EPB41L3: variants seen among roughly 807,000 people sequenced by gnomAD.
The protein encoded by EPB41L3 is erythrocyte membrane protein band 4.1 like 3.
EPB41L3 carries 57 observed loss-of-function variants against 127.1 expected under a neutral mutation model. That is an observed-to-expected ratio of 0.45 (90% CI 0.36 to 0.56). The LOEUF (loss-of-function observed/expected upper bound fraction) is 0.56. EPB41L3 is among the 20% of genes least tolerant of loss of function. The pLI is 0.00. For missense variants in EPB41L3, 1,273 were observed against 1,372.2 expected (o/e 0.93, Z 1.14); for synonymous variants, 572 against 549.5 (o/e 1.04, Z -0.57).
At position 5,444,662 on chromosome 18, in the gene EPB41L3, C is replaced by A. The variant is rs560985528; in HGVS notation, c.486+478G>T. Among the ~76,000 whole-genome samples, 15 of 152,234 alleles carry A rather than the reference C, an allele frequency of 9.9e-5. No individual in the cohort carries two copies. In the East Asian group the frequency reaches 2.3e-3, roughly 24 times the overall value. Reference sequence around the variant, plus strand: ...TCCCCCTCATATTCTGATTCAGAAACATTATGAAAGCATAAAAAGATAAAT... The same window carrying A: ...TCCCCCTCATATTCTGATTCAGAAAAATTATGAAAGCATAAAAAGATAAAT... On this transcript the variant is annotated intron_variant, in intron 4 of 22. Coordinates refer to ENST00000341928, the MANE Select transcript of EPB41L3 (RefSeq NM_012307.5).
intron 1 of EPB41L3, among the ~76,000 whole-genome samples, chr18:5,507,769 T>C (rs1240815429): frequency 6.6e-6 from 1 of 152,168 alleles, no homozygotes; most frequent in African/African-American, 2.4e-5. Flanking sequence ...TAAAATCAAA[T>C]GATGATTTGG....
At chr18:5,516,442 C>T (rs2092753395) in intron 1 of EPB41L3, among the ~76,000 whole-genome samples, 2 of 152,182 alleles carry the variant, frequency 1.3e-5, no homozygotes, top group African/African-American at 4.8e-5. Context: ...CAGTTGTTCT[C>T]CAAGTGAATT....
At chr18:5,541,607 C>T (rs1013632582) in intron 1 of EPB41L3, among the ~76,000 whole-genome samples, 1 of 152,140 alleles carries the variant, frequency 6.6e-6, no homozygotes, top group Non-Finnish European at 1.5e-5. Flanking sequence ...TTTTAAAAAA[C>T]AATTATAAAT....
Position 5,474,533 on chromosome 18 carries a change from G to A in EPB41L3, c.381+3708C>T, listed in dbSNP as rs867703651. ...GGTGACTATAAATTCTCATGCTACC[G>A]TCATGGCACAGTTGAGCCTTAATGA... is the stretch of plus-strand genomic sequence containing the variant. On this transcript the variant is annotated intron_variant, in intron 3 of 22. Transcript: ENST00000341928. 5.3e-5 allele frequency among the ~76,000 whole-genome samples: 8 copies of A among 152,142 alleles called. No individual in the cohort carries two copies. In the Middle Eastern group the frequency reaches 0.01, roughly 194 times the overall value.
intron 1 of EPB41L3, among the ~76,000 whole-genome samples, chr18:5,507,675 T>C (rs1598434601): frequency 6.6e-6 from 1 of 152,192 alleles, no homozygotes; most frequent in East Asian, 1.9e-4. Flanking sequence ...GCCATCTTTT[T>C]TAAACCAGTA....
At chr18:5,590,167 T>A (rs2094473483) in intron 3 of EPB41L3, among the ~76,000 whole-genome samples, 1 of 152,094 alleles carries the variant, frequency 6.6e-6, no homozygotes, top group Admixed American at 6.5e-5. Context: ...TCTTTCCCCA[T>A]CCCCTTCGCT....
intron 2 of EPB41L3, among the ~76,000 whole-genome samples, chr18:5,487,789 T>G (rs1458366409): frequency 1.4e-5 from 2 of 144,146 alleles, no homozygotes; most frequent in Non-Finnish European, 3.0e-5. Context: ...AGTATAAAAT[T>G]GAAAAAAAAA....
At chr18:5,425,031 T>C (rs942594984) in intron 9 of EPB41L3, among the ~76,000 whole-genome samples, 3 of 152,188 alleles carry the variant, frequency 2.0e-5, no homozygotes, top group Non-Finnish European at 2.9e-5. Context: ...GAAATACTCA[T>C]CTCATTTCCT....
rs2077876385 is a variant in EPB41L3 at position 5,424,375 on chromosome 18, T to C, written c.1066-16A>G. 2 of 1,550,194 alleles carry C rather than the reference T, an allele frequency of 1.3e-6. No homozygotes were observed. The highest frequency in any genetic ancestry group is 8.8e-7 in the Non-Finnish European group (1 of 1,141,844). On this transcript the variant is annotated splice_polypyrimidine_tract_variant and intron_variant, in intron 9 of 22. Transcript: ENST00000341928. ...ATTGTTCAAACTAAATAAAAAAAAATACATTGAAGAGTAAAGTTTAAAATT... is the reference window on the plus strand; with the variant it reads ...ATTGTTCAAACTAAATAAAAAAAAACACATTGAAGAGTAAAGTTTAAAATT...
At chr18:5,402,573 C>A (rs541966999) in intron 16 of EPB41L3, among the ~76,000 whole-genome samples, 7 of 152,162 alleles carry the variant, frequency 4.6e-5, no homozygotes, top group Admixed American at 4.6e-4. Flanking sequence ...ATAACATAAA[C>A]AGGTAACATA....
At chr18:5,426,029 G>A (rs1173745044) in intron 9 of EPB41L3, among the ~76,000 whole-genome samples, 2 of 152,188 alleles carry the variant, frequency 1.3e-5, no homozygotes, top group African/African-American at 4.8e-5. Flanking sequence ...TCATCTCCTG[G>A]TCATCCATCA....
chr18:5,433,561 T>C lies in EPB41L3; in HGVS notation c.825-5A>G, dbSNP rs200994190. 10 of 1,610,066 alleles carry C rather than the reference T, an allele frequency of 6.2e-6. No homozygotes were observed. The East Asian group carries it at 2.2e-4, about 36-fold the overall frequency. Reference sequence around the variant, plus strand: ...GCTTCTGCTGGCGTCATTCCTCTGATGAGAAGAAAAATATGTTACAATGAT... The same window carrying C: ...GCTTCTGCTGGCGTCATTCCTCTGACGAGAAGAAAAATATGTTACAATGAT... On this transcript the variant is annotated splice_polypyrimidine_tract_variant and splice_region_variant and intron_variant, in intron 7 of 22. Transcript: ENST00000341928.
intron 9 of EPB41L3, among the ~76,000 whole-genome samples, chr18:5,425,969 G>T (rs1234047392): frequency 6.6e-6 from 1 of 152,108 alleles, no homozygotes; most frequent in Non-Finnish European, 1.5e-5. Context: ...CATCCTGCGT[G>T]CCCTTTCTGT....
chr18:5,511,551 A>G (rs2092526147), intron 1 of EPB41L3, among the ~76,000 whole-genome samples: 2 of 151,992 alleles, frequency 1.3e-5, no homozygotes, highest in Non-Finnish European at 2.9e-5. Flanking sequence ...TATTGAATCC[A>G]TATTTCACAA....
chr18:5,534,582 A>C (rs540297872), intron 1 of EPB41L3, among the ~76,000 whole-genome samples: 1 of 152,188 alleles, frequency 6.6e-6, no homozygotes, highest in African/African-American at 2.4e-5. Flanking sequence ...TACTCAAAAA[A>C]TTCTGCATTC....
intron 3 of EPB41L3, among the ~76,000 whole-genome samples, chr18:5,579,524 A>G (rs986483064): frequency 4.6e-5 from 7 of 152,228 alleles, no homozygotes; most frequent in Admixed American, 2.0e-4. Flanking sequence ...ACAAATCAAC[A>G]TAAATCAGGC....
intron 12 of EPB41L3, among the ~76,000 whole-genome samples, chr18:5,417,518 T>A (rs1021834043): frequency 6.6e-6 from 1 of 152,010 alleles, no homozygotes; most frequent in Non-Finnish European, 1.5e-5. Context: ...GTAATTAGAC[T>A]TCTGCTGATG....
chr18:5,441,894 T>G (rs1598981779), intron 5 of EPB41L3, among the ~76,000 whole-genome samples: 1 of 152,354 alleles, frequency 6.6e-6, no homozygotes, highest in Middle Eastern at 3.4e-3. Context: ...AAACTCTTGT[T>G]TTGATTGTCT....
chr18:5,443,237 TTTA>T (rs1298995274), intron 5 of EPB41L3, among the ~76,000 whole-genome samples: 7 of 152,204 alleles, frequency 4.6e-5, no homozygotes, highest in African/African-American at 1.7e-4. Context: ...AGTGCTATAG[TTTA>T]TTATTAAACC....
Sources: allele counts gnomAD v4.1 joint callset (sites outside exome capture counted in the v4.1 genomes callset), GRCh38; gene constraint gnomAD v4.1.1; transcripts MANE v1.5; gene names NCBI Gene and HGNC (gene_info 2026-07-23, HGNC 2026-07-21).